The following MAST4 variants were observed in gnomAD, a reference collection of about 807,000 sequenced individuals.
The protein encoded by MAST4 is microtubule-associated serine/threonine-protein kinase 4.
In MAST4, 89 loss-of-function variants were observed where a neutral mutation model predicts 162.7. That is an observed-to-expected ratio of 0.55 (90% CI 0.46 to 0.65). The LOEUF is 0.65. MAST4 is among the 30% of genes least tolerant of loss of function. MAST4 has a pLI of 0.00. For synonymous variants in MAST4, 1,479 were observed against 1,361.1 expected, an observed-to-expected ratio of 1.09 and a Z score of -1.91; for missense variants, 3,153 against 3,374.0, an observed-to-expected ratio of 0.93 and a Z score of 1.62.
Position 67,003,308 on chromosome 5 carries a change from G to A in MAST4, c.675-51096G>A, listed in dbSNP as rs150336283. Among the ~76,000 whole-genome samples, 308 of 152,224 alleles carry A rather than the reference G, an allele frequency of 2.0e-3. 2 individuals carry two copies. The highest frequency in any genetic ancestry group is 3.1e-3 in the Non-Finnish European group (208 of 68,014). ...GCAAGGATCTGTGGAGGCTCTGTAA[G>A]AATGTGAGGAGATAACGCATACGAA... On this transcript the variant is annotated intron_variant, in intron 4 of 28. Coordinates refer to ENST00000403625, the MANE Select transcript of MAST4 (RefSeq NM_001164664.2).
chr5:66,825,002 A>C (rs1270560691), intron 3 of MAST4, among the ~76,000 whole-genome samples: 2 of 152,200 alleles, frequency 1.3e-5, no homozygotes, highest in African/African-American at 2.4e-5. Context: ...ACTACTGTAG[A>C]CTTTACAAAT....
intron 4 of MAST4, among the ~76,000 whole-genome samples, chr5:66,973,509 A>G (rs1329159135): frequency 1.3e-5 from 2 of 152,182 alleles, no homozygotes; most frequent in African/African-American, 4.8e-5. Flanking sequence ...ACAGGTGATG[A>G]TGTCCTCCTC....
In MAST4 at chr5:66,873,783, G is replaced by A. The variant is rs1761104363; in HGVS notation, c.643-26168G>A. ...TTAGAACTAGATATATCACCATGTA[G>A]TCTGAGATTTTCGACTGCTATTTCT... On this transcript the variant is annotated intron_variant, in intron 3 of 28. Transcript: ENST00000403625. 1.3e-5 allele frequency among the ~76,000 whole-genome samples: 2 copies of A among 152,258 alleles called. 1 individual carries two copies. The highest frequency in any genetic ancestry group is 4.1e-4 in the South Asian group (2 of 4,828).
intron 3 of MAST4, among the ~76,000 whole-genome samples, chr5:66,889,196 C>T (rs1762222439): frequency 1.3e-5 from 2 of 152,120 alleles, no homozygotes; most frequent in African/African-American, 4.8e-5. Flanking sequence ...GATGGAAGAA[C>T]TGAAAAAATT....
intron 1 of MAST4, among the ~76,000 whole-genome samples, chr5:66,749,589 G>C (rs116081372): frequency 6.6e-6 from 1 of 152,208 alleles, no homozygotes; most frequent in African/African-American, 2.4e-5. Context: ...AGACAACGAA[G>C]TGACTTACTA....
chr5:66,788,341 G>A (rs188248527), intron 2 of MAST4, among the ~76,000 whole-genome samples: 1 of 152,266 alleles, frequency 6.6e-6, no homozygotes, highest in African/African-American at 2.4e-5. Flanking sequence ...GCTTACTTCT[G>A]TGATGCTGAG....
intron 4 of MAST4, among the ~76,000 whole-genome samples, chr5:66,996,501 C>T (rs1173203926): frequency 2.6e-5 from 4 of 151,976 alleles, no homozygotes; most frequent in African/African-American, 4.8e-5. Flanking sequence ...TTAAAACTAG[C>T]TTATATTTAT....
chr5:66,629,767 T>C (rs889785169), intron 1 of MAST4, among the ~76,000 whole-genome samples: 8 of 152,212 alleles, frequency 5.3e-5, no homozygotes, highest in Non-Finnish European at 7.4e-5. Context: ...CAAGTTGTTA[T>C]AGTGTTCAAT....
chr5:66,922,603 A>G (rs1211143343), intron 4 of MAST4, among the ~76,000 whole-genome samples: 2 of 152,236 alleles, frequency 1.3e-5, no homozygotes, highest in Non-Finnish European at 2.9e-5. Context: ...TACTTGCAAA[A>G]AAAATACTGT....
At chr5:67,004,918 C>G (rs1170012964) in intron 4 of MAST4, 1 of 693,956 alleles carries the variant, frequency 1.4e-6, no homozygotes, top group African/African-American at 1.8e-5. Context: ...TTGGCCTTGT[C>G]TTTCTTCCTT....
chr5:66,692,231 C>T (rs1749089323), intron 1 of MAST4, among the ~76,000 whole-genome samples: 1 of 152,136 alleles, frequency 6.6e-6, no homozygotes. Context: ...AGAAGCATCC[C>T]AAGAGTTATA....
In MAST4 at chr5:66,626,284, T is replaced by C. The variant is rs926905968; in HGVS notation, c.363+29266T>C. 2.0e-5 allele frequency among the ~76,000 whole-genome samples: 3 copies of C among 152,182 alleles called. No homozygotes were observed. The South Asian group carries it at 6.2e-4, about 32-fold the overall frequency. On this transcript the variant is annotated intron_variant, in intron 1 of 28. Transcript: ENST00000403625. ...TATACACACGTGCACAAATGATAAC[T>C]GTAGGGGTAATAGAGATGCATTTCA...
intron 1 of MAST4, among the ~76,000 whole-genome samples, chr5:66,610,396 A>C (rs955488506): frequency 6.6e-6 from 1 of 152,214 alleles, no homozygotes; most frequent in African/African-American, 2.4e-5. Context: ...ATTAGTTCCC[A>C]GGATGATAAA....
intron 4 of MAST4, among the ~76,000 whole-genome samples, chr5:66,988,366 G>A (rs1581119523): frequency 2.0e-5 from 3 of 152,112 alleles, no homozygotes; most frequent in Admixed American, 2.0e-4. Context: ...TGAAATTTGG[G>A]GTTCAACCAG....
intron 12 of MAST4, among the ~76,000 whole-genome samples, chr5:67,116,989 C>T (rs1395712068): frequency 6.6e-6 from 1 of 152,158 alleles, no homozygotes; most frequent in Non-Finnish European, 1.5e-5. Flanking sequence ...CTGTGTGAAC[C>T]TTGACCATCC....
intron 3 of MAST4, among the ~76,000 whole-genome samples, chr5:66,877,482 G>A (rs1041605917): frequency 6.6e-6 from 1 of 152,150 alleles, no homozygotes; most frequent in Non-Finnish European, 1.5e-5. Flanking sequence ...GTGAAGCCAG[G>A]ATTCAAGCCC....
intron 24 of MAST4, 49 bp downstream of exon 24, chr5:67,149,638 C>T (rs1434448528): frequency 1.9e-6 from 3 of 1,557,712 alleles, no homozygotes; most frequent in South Asian, 2.3e-5. Context: ...GCATGTGGTC[C>T]CATCCCTCCT....
chr5:66,644,856 TGG>T (rs563270891), intron 1 of MAST4, among the ~76,000 whole-genome samples: 59 of 151,726 alleles, frequency 3.9e-4, no homozygotes, highest in African/African-American at 1.4e-3. Context: ...CTGACTGTGG[TGG>T]GTATGGCCCA....
chr5:66,623,855 A>C (rs1224063272), intron 1 of MAST4, among the ~76,000 whole-genome samples: 1 of 152,234 alleles, frequency 6.6e-6, no homozygotes, highest in Non-Finnish European at 1.5e-5. Flanking sequence ...TCATATATAC[A>C]TGGAAAATCC....
Sources: allele counts gnomAD v4.1 joint callset (sites outside exome capture counted in the v4.1 genomes callset), GRCh38; gene constraint gnomAD v4.1.1; transcripts MANE v1.5; gene names NCBI Gene and HGNC (gene_info 2026-07-23, HGNC 2026-07-21).